Variants in SLC6A12 observed in about 807,000 individuals in gnomAD.
SLC6A12 encodes solute carrier family 6 member 12, also known as sodium- and chloride-dependent betaine transporter.
In SLC6A12, 50 loss-of-function variants were observed where a neutral mutation model predicts 73.3. The ratio of observed to expected loss-of-function variants is 0.68; its 90% CI spans 0.54 to 0.86. SLC6A12 has a LOEUF of 0.86. Ranked by LOEUF, SLC6A12 falls within the 40% of genes least tolerant of loss-of-function variation. SLC6A12 has a pLI of 0.00. For missense variants in SLC6A12, 648 were observed against 772.8 expected (o/e 0.84, Z 1.92); for synonymous variants, 304 against 309.2 (o/e 0.98, Z 0.18).
chr12:187,467 G>A (rs662785), downstream of SLC6A12, among the ~76,000 whole-genome samples: 3,158 of 151,320 alleles, frequency 0.021, 117 homozygotes, highest in African/African-American at 0.073. Context: ...TTTTCCTCCC[G>A]ATGGTTCAGT....
downstream of SLC6A12, among the ~76,000 whole-genome samples, chr12:186,766 G>A (rs1359396014): frequency 6.6e-6 from 1 of 152,224 alleles, no homozygotes; most frequent in East Asian, 1.9e-4. Flanking sequence ...TGAAATTAGA[G>A]GTATCCACTA....
chr12:206,288 T>C (rs1411891007), intron 3 of SLC6A12, among the ~76,000 whole-genome samples: 1 of 152,206 alleles, frequency 6.6e-6, no homozygotes. Flanking sequence ...TCTGTTTCTA[T>C]GCATTTGCCT....
downstream of SLC6A12, among the ~76,000 whole-genome samples, chr12:186,777 C>T (rs1591771941): frequency 6.6e-6 from 1 of 152,214 alleles, no homozygotes; most frequent in Non-Finnish European, 1.5e-5. Flanking sequence ...GTATCCACTA[C>T]CCTTCTTCGG....
intron 2 of SLC6A12, among the ~76,000 whole-genome samples, chr12:210,841 A>C (rs929282234): frequency 7.9e-5 from 12 of 152,188 alleles, no homozygotes; most frequent in African/African-American, 2.7e-4. Context: ...CCCTCTCAGC[A>C]GGTCACTGCC....
chr12:202,977 G>A, intron 4 of SLC6A12, 97 bp from the exon 5 acceptor site: 2 of 1,049,118 alleles, frequency 1.9e-6, no homozygotes, highest in South Asian at 3.3e-5. Flanking sequence ...AGGGTATTGG[G>A]TGCTACACAA....
intron 7 of SLC6A12, 194 bp from the exon 8 acceptor site, chr12:199,125 G>T: frequency 9.3e-6 from 3 of 323,178 alleles, no homozygotes; most frequent in African/African-American, 2.2e-5. Context: ...CAGGGTGTGA[G>T]ATACACATCA....
chr12:208,094 G>A (rs546212362), intron 3 of SLC6A12, among the ~76,000 whole-genome samples: 6 of 152,310 alleles, frequency 3.9e-5, no homozygotes, highest in East Asian at 1.9e-4. Flanking sequence ...GTGCCGTGAC[G>A]CAGAAATGGT....
chr12:189,230 G>A (rs1440849520), downstream of SLC6A12, among the ~76,000 whole-genome samples: 4 of 152,110 alleles, frequency 2.6e-5, no homozygotes, highest in African/African-American at 7.2e-5. Flanking sequence ...AGGGGCCCCG[G>A]GGGAGGGCGG....
chr12:207,243 C>T (rs886271970), intron 3 of SLC6A12, among the ~76,000 whole-genome samples: 2 of 152,246 alleles, frequency 1.3e-5, no homozygotes, highest in Admixed American at 1.3e-4. Flanking sequence ...CCAGCGATGT[C>T]GCACAGGGAC....
At chr12:210,496 C>G (rs1940858387) in intron 2 of SLC6A12, 1 of 639,154 alleles carries the variant, frequency 1.6e-6, no homozygotes, top group Non-Finnish European at 2.0e-6. Flanking sequence ...CTGCATGGTT[C>G]TCTCCTAGCC....
chr12:199,195 C>T (rs1463612728), intron 7 of SLC6A12: 5 of 514,072 alleles, frequency 9.7e-6, no homozygotes, highest in Middle Eastern at 5.1e-4. Flanking sequence ...TACAGGCTTC[C>T]AGCCCATAAC....
intron 4 of SLC6A12, chr12:204,331 C>T (rs1940501790): frequency 1.9e-6 from 1 of 523,158 alleles, no homozygotes; most frequent in South Asian, 2.3e-5. Context: ...CAGCACCAAA[C>T]TGGCCTCCCC....
intron 4 of SLC6A12, 102 bp downstream of exon 4, chr12:204,462 A>G: frequency 8.7e-7 from 1 of 1,153,642 alleles, no homozygotes; most frequent in South Asian, 1.3e-5. Context: ...TATGGGAGTG[A>G]GCGGATGGGT....
rs1039920298 is a variant in SLC6A12, at chr12:198,065, G to A, written c.847-62C>T. 27 of 1,390,310 alleles carry A rather than the reference G, an allele frequency of 1.9e-5. No individual in the cohort carries two copies. Among genetic ancestry groups the A allele is most frequent in the Middle Eastern group, 1.8e-4 (1 of 5,648 alleles). 86.1% of individuals were successfully genotyped at this position (1,390,310 alleles called of 1,614,324 possible). A position where few individuals can be genotyped will look rare whatever the true frequency, so the allele number is the denominator to read the frequency against. On this transcript the variant is annotated intron_variant, in intron 8 of 15. Transcript: ENST00000684302. This position sits in a 1 kb window ranked among gnomAD's most constrained non-coding sequence, Gnocchi z 4.0. Reference sequence around the variant, plus strand: ...CCAGGGCCCAGAGCCAGGGTGACCCGAGATCCAGACCCGTCCCCTGCAGCA... The same window carrying A: ...CCAGGGCCCAGAGCCAGGGTGACCCAAGATCCAGACCCGTCCCCTGCAGCA...
chr12:185,833 T>C (rs1459241758), downstream of SLC6A12, among the ~76,000 whole-genome samples: 2 of 152,238 alleles, frequency 1.3e-5, no homozygotes, highest in Admixed American at 1.3e-4. Context: ...CTGTGCCACC[T>C]GCCAGGCTTG....
In SLC6A12 at chr12:197,862, A is replaced by G. The variant is rs769480862; in HGVS notation, c.950+38T>C. 3 of 1,301,210 alleles carry G rather than the reference A, an allele frequency of 2.3e-6. No individual in the cohort carries two copies. The East Asian group carries it at 7.0e-5, about 30-fold the overall frequency. 80.6% of individuals were successfully genotyped at this position (1,301,210 alleles called of 1,614,324 possible). ...GCCCAGAACCCATCCCCAGGCCCCA[A>G]CCCTCCTTCACCCCACCCCGGCCCA... is the stretch of plus-strand genomic sequence containing the variant. On this transcript the variant is annotated intron_variant, in intron 9 of 15. Coordinates refer to ENST00000684302, the MANE Select transcript of SLC6A12 (RefSeq NM_001122848.3).
Position 198,724 on chromosome 12 carries a change from C to T in SLC6A12, c.846+73G>A, listed in dbSNP as rs1940051315. On this transcript the variant is annotated intron_variant, in intron 8 of 15. Coordinates refer to ENST00000684302, the MANE Select transcript of SLC6A12 (RefSeq NM_001122848.3). This position sits in a 1 kb window ranked among gnomAD's most constrained non-coding sequence, Gnocchi z 4.0. Reference sequence around the variant, plus strand: ...CTTTTAAACCAAGGAAAAAGCTATACAAGACTTTCAAAACTACAGACCTGG... The same window carrying T: ...CTTTTAAACCAAGGAAAAAGCTATATAAGACTTTCAAAACTACAGACCTGG... 14 of 1,415,834 alleles carry T rather than the reference C, an allele frequency of 9.9e-6. No individual in the cohort carries two copies. In the South Asian group the frequency reaches 1.0e-4, roughly 10 times the overall value. 87.7% of individuals were successfully genotyped at this position (1,415,834 alleles called of 1,614,324 possible). A position where few individuals can be genotyped will look rare whatever the true frequency, so the allele number is the denominator to read the frequency against.
chr12:187,599 A>C (rs1565461294), downstream of SLC6A12, among the ~76,000 whole-genome samples: 2 of 8,884 alleles, frequency 2.3e-4, no homozygotes, highest in African/African-American at 3.4e-4. Flanking sequence ...CAAAAAAAAA[A>C]AAAAAAAAAA....
At chr12:197,122 C>CATCTATCCATCT (rs1349003603) in intron 10 of SLC6A12, among the ~76,000 whole-genome samples, 40 of 48,936 alleles carry the variant, frequency 8.2e-4, no homozygotes, top group South Asian at 1.5e-3. Flanking sequence ...TCCATCCATC[C>CATCTATCCATCT]ATCCATCCAT....
Sources: gnomAD v4.1 joint callset for allele counts (sites outside exome capture counted in the v4.1 genomes callset) on GRCh38, gnomAD v4.1.1 for gene constraint, Gnocchi (gnomAD v3.1) non-coding constraint, MANE v1.5 for transcripts, NCBI Gene and HGNC (gene_info 2026-07-23, HGNC 2026-07-21) for gene names.